Variants in MINDY3 observed in about 807,000 individuals in gnomAD.
MINDY3 encodes ubiquitin carboxyl-terminal hydrolase MINDY-3.
A neutral mutation model predicts 69.2 loss-of-function variants in MINDY3; 38 were observed. That is an observed-to-expected ratio of 0.55 (90% CI 0.42 to 0.72). The LOEUF (loss-of-function observed/expected upper bound fraction) is 0.72. MINDY3 is among the 30% of genes least tolerant of loss of function. MINDY3 has a pLI of 0.00. For synonymous variants in MINDY3, 192 were observed against 180.1 expected, an observed-to-expected ratio of 1.07 and a Z score of -0.53; for missense variants, 522 against 519.0, an observed-to-expected ratio of 1.01 and a Z score of -0.06.
intron 2 of MINDY3, among the ~76,000 whole-genome samples, chr10:15,846,617 T>A (rs567671936): frequency 1.2e-4 from 19 of 152,350 alleles, no homozygotes; most frequent in Non-Finnish European, 2.2e-4. Flanking sequence ...CCATAATTTT[T>A]CTTCCTCTAC....
At chr10:15,852,932 T>C (rs1347493060) in intron 1 of MINDY3, among the ~76,000 whole-genome samples, 1 of 152,204 alleles carries the variant, frequency 6.6e-6, no homozygotes, top group African/African-American at 2.4e-5. Context: ...TAACAACTAT[T>C]TGCATAGCAT....
At chr10:15,844,934 C>T (rs924310494) in intron 2 of MINDY3, among the ~76,000 whole-genome samples, 1 of 152,130 alleles carries the variant, frequency 6.6e-6, no homozygotes, top group African/African-American at 2.4e-5. Context: ...AGCATCATTC[C>T]ACCTGTTATG....
chr10:15,799,375 T>G (rs921064239), intron 10 of MINDY3, among the ~76,000 whole-genome samples: 2 of 152,046 alleles, frequency 1.3e-5, no homozygotes, highest in Admixed American at 1.3e-4. Context: ...ATTTTTGTAT[T>G]TTTAGTAGAG....
intron 14 of MINDY3, among the ~76,000 whole-genome samples, chr10:15,780,322 T>A (rs1836425137): frequency 6.6e-6 from 1 of 152,236 alleles, no homozygotes; most frequent in South Asian, 2.1e-4. Flanking sequence ...GGCATCTTTA[T>A]TTTAGTTAAT....
At chr10:15,849,529 A>C (rs768717658) in intron 1 of MINDY3, among the ~76,000 whole-genome samples, 2 of 151,984 alleles carry the variant, frequency 1.3e-5, no homozygotes, top group Non-Finnish European at 2.9e-5. Flanking sequence ...GATGATGCTG[A>C]CGTAATGAAA....
chr10:15,847,846 T>C lies in MINDY3; in HGVS notation c.174+18A>G, dbSNP rs370691272. 9 of 1,597,790 alleles carry C rather than the reference T, an allele frequency of 5.6e-6. No homozygotes were observed. In the African/African-American group the frequency reaches 1.2e-4, roughly 21 times the overall value. ...TCAAAATGTCCCTCTAAGGAGTTGG[T>C]AAAGGAGTCTATGTTACCTGAACAG... is the stretch of plus-strand genomic sequence containing the variant. On this transcript the variant is annotated intron_variant, in intron 2 of 14. Transcript: ENST00000277632.
Position 15,779,092 on chromosome 10 carries a change from A to G in MINDY3, c.1238T>C (p.Met413Thr). 1 of 1,613,666 alleles carries G rather than the reference A, an allele frequency of 6.2e-7. No individual in the cohort carries two copies. The highest frequency in any genetic ancestry group is 8.5e-7 in the Non-Finnish European group (1 of 1,179,778). Residue 413 changes from methionine to threonine, a missense_variant, in exon 15 of 15, where the codon ATG (methionine) becomes ACG (threonine). Coordinates refer to ENST00000277632, the MANE Select transcript of MINDY3 (RefSeq NM_024948.4). ...AATAGGAGTGTCATCTGTCTGTAGCATGGGATCTTCAAAACCCATCACAAC... is the reference window on the plus strand; with the variant it reads ...AATAGGAGTGTCATCTGTCTGTAGCGTGGGATCTTCAAAACCCATCACAAC... ...TAVVMGFEDP[M>T]LQTDDTPIKR...
In MINDY3 at chr10:15,837,642, AG is replaced by A. The variant is rs1471641948; in HGVS notation, c.462-325del. ...AAGAATAGAGTGGCCTTCTTGTAAGAGGGGGTAAACACAAAGAAAACTTCAC... is the reference window on the plus strand; with the variant it reads ...AAGAATAGAGTGGCCTTCTTGTAAGAGGGGTAAACACAAAGAAAACTTCAC... On this transcript the variant is annotated intron_variant, in intron 5 of 14. Coordinates refer to ENST00000277632, the MANE Select transcript of MINDY3 (RefSeq NM_024948.4). 5 of 1,239,516 alleles carry A rather than the reference AG, an allele frequency of 4.0e-6. No individual in the cohort carries two copies. The African/African-American group carries it at 4.8e-5, about 12-fold the overall frequency. 76.8% of individuals were successfully genotyped at this position (1,239,516 alleles called of 1,614,324 possible). A position where few individuals can be genotyped will look rare whatever the true frequency, so the allele number is the denominator to read the frequency against.
intron 8 of MINDY3, among the ~76,000 whole-genome samples, chr10:15,827,104 G>A (rs1292240141): frequency 4.2e-5 from 6 of 143,262 alleles, no homozygotes; most frequent in Admixed American, 2.2e-4. Flanking sequence ...GTGACAGAGC[G>A]AGACCCCGTC....
chr10:15,795,628 T>C (rs1386726113), intron 11 of MINDY3, among the ~76,000 whole-genome samples: 1 of 152,030 alleles, frequency 6.6e-6, no homozygotes, highest in African/African-American at 2.4e-5. Context: ...ATGATATATA[T>C]GTGAACTTCT....
In MINDY3 at chr10:15,778,463, A is replaced by AT. The variant is rs1836271197; in HGVS notation, c.*528dup. On this transcript the variant is annotated 3_prime_UTR_variant, in exon 15 of 15. Transcript: ENST00000277632. Reference sequence around the variant, plus strand: ...CTTAGAGTTTCTACTTTTTGTGAACATGCCAGAGTTAAGTAAATTGTCAAA... The same window carrying AT: ...CTTAGAGTTTCTACTTTTTGTGAACATTGCCAGAGTTAAGTAAATTGTCAAA... 6.6e-6 allele frequency: 1 copy of AT among 152,334 alleles called. No individual in the cohort carries two copies. The highest frequency in any genetic ancestry group is 2.4e-5 in the African/African-American group (1 of 41,472). The allele number at this position is 152,334 out of a possible 1,614,324, so 9.4% of individuals were successfully genotyped here.
intron 12 of MINDY3, among the ~76,000 whole-genome samples, chr10:15,787,718 T>C (rs761631912): frequency 2.2e-4 from 34 of 152,178 alleles, no homozygotes; most frequent in Non-Finnish European, 4.1e-4. Flanking sequence ...GTATTGGCCC[T>C]GTGAGATACT....
At chr10:15,796,723 CAAAG>C (rs1297933504) in intron 10 of MINDY3, among the ~76,000 whole-genome samples, 3 of 151,950 alleles carry the variant, frequency 2.0e-5, no homozygotes, top group African/African-American at 7.2e-5. Context: ...TTTCTGAACT[CAAAG>C]GAAACACCCT....
chr10:15,780,550 C>T (rs1285381115), intron 14 of MINDY3, among the ~76,000 whole-genome samples: 1 of 152,216 alleles, frequency 6.6e-6, no homozygotes, highest in African/African-American at 2.4e-5. Context: ...GACCCACCTC[C>T]ATGGCCTCAA....
At chr10:15,810,682 T>A (rs374720506) in intron 10 of MINDY3, among the ~76,000 whole-genome samples, 1 of 152,144 alleles carries the variant, frequency 6.6e-6, no homozygotes, top group Non-Finnish European at 1.5e-5. Flanking sequence ...GCACCTACAC[T>A]ATGCCTGGCA....
At chr10:15,807,391 T>A (rs1838708941) in intron 10 of MINDY3, among the ~76,000 whole-genome samples, 1 of 152,132 alleles carries the variant, frequency 6.6e-6, no homozygotes, top group Non-Finnish European at 1.5e-5. Flanking sequence ...GGACCAGGAA[T>A]GCTGAGCAAG....
chr10:15,851,555 C>T (rs906016125), intron 1 of MINDY3, among the ~76,000 whole-genome samples: 3 of 152,008 alleles, frequency 2.0e-5, no homozygotes, highest in Non-Finnish European at 2.9e-5. Context: ...CTATAGGTTT[C>T]ACCCTAAGAT....
chr10:15,847,280 T>C (rs1429129800), intron 2 of MINDY3, among the ~76,000 whole-genome samples: 2 of 152,186 alleles, frequency 1.3e-5, no homozygotes, highest in African/African-American at 4.8e-5. Flanking sequence ...CATACCAAGA[T>C]TCCAAATCAA....
At chr10:15,800,414 C>T (rs1838175788) in intron 10 of MINDY3, among the ~76,000 whole-genome samples, 1 of 152,116 alleles carries the variant, frequency 6.6e-6, no homozygotes, top group South Asian at 2.1e-4. Flanking sequence ...ATAATTTCAT[C>T]ACCATCTCCT....
Sources: allele counts gnomAD v4.1 joint callset (sites outside exome capture counted in the v4.1 genomes callset), GRCh38; gene constraint gnomAD v4.1.1; transcripts MANE v1.5; gene names NCBI Gene and HGNC (gene_info 2026-07-23, HGNC 2026-07-21).